RIC8B: variants seen among roughly 807,000 people sequenced by gnomAD.
RIC8B encodes RIC8 guanine nucleotide exchange factor B, also known as chaperone Ric-8B.
Under a neutral mutation model 57.5 loss-of-function variants are expected in RIC8B, and 16 were observed. That is an observed-to-expected ratio of 0.28 (90% confidence interval 0.19 to 0.42). RIC8B has a LOEUF of 0.42. Ranked by LOEUF, RIC8B falls within the 10% of genes least tolerant of loss-of-function variation. RIC8B has a pLI of 1.00. For synonymous variants in RIC8B, 216 were observed against 250.8 expected (o/e 0.86, Z 1.31); for missense variants, 481 against 677.0 (o/e 0.71, Z 3.21).
chr12:106,810,755 A>G (rs2045300036), intron 2 of RIC8B, among the ~76,000 whole-genome samples: 1 of 152,252 alleles, frequency 6.6e-6, no homozygotes, highest in South Asian at 2.1e-4. Context: ...GCAGGTTAGC[A>G]GATCTTAAGT....
chr12:106,775,037 CCTCTG>C, intron 1 of RIC8B: 1 of 562,838 alleles, frequency 1.8e-6, no homozygotes, highest in Non-Finnish European at 3.2e-6. Flanking sequence ...AGCGCCCACT[CCTCTG>C]ATTCCTGGCC....
At position 106,814,744 on chromosome 12, in the gene RIC8B, A is replaced by G. The variant is rs775581831; in HGVS notation, c.181A>G (p.Thr61Ala). Reference protein sequence around the residue: ...FKVLIKDIPTTCQVSCLEVLR... With the variant: ...FKVLIKDIPTACQVSCLEVLR... ...AGTCCTTATAAAGGACATCCCAACA[A>G]CATGTCAAGTGTCCTGCCTGGAAGT... The change falls in exon 3 of 10, where the codon ACA becomes GCA. Residue 61 changes from threonine to alanine, a missense_variant. Physicochemically the swap from Thr to Ala is moderately conservative, Grantham distance 58. Transcript: ENST00000392837. 7.4e-6 allele frequency: 12 copies of G among 1,613,300 alleles called. No homozygotes were observed. Among genetic ancestry groups the G allele is most frequent in the Admixed American group, 1.7e-5 (1 of 59,890 alleles).
In RIC8B at chr12:106,801,892, C is replaced by T. The variant is rs553837863; in HGVS notation, c.133-12804C>T. 8.5e-5 allele frequency among the ~76,000 whole-genome samples: 13 copies of T among 152,358 alleles called. No homozygotes were observed. The East Asian group carries it at 2.1e-3, about 25-fold the overall frequency. ...AATTTAATACAACCCTCATCTTCTGCATGTACACATGTACCTCTTGTTCCC... is the reference window on the plus strand; with the variant it reads ...AATTTAATACAACCCTCATCTTCTGTATGTACACATGTACCTCTTGTTCCC... On this transcript the variant is annotated intron_variant, in intron 2 of 9. Transcript: ENST00000392837.
At position 106,851,315 on chromosome 12, in the gene RIC8B, CTTTTTTTTTT is replaced by C. The variant is rs34606963; in HGVS notation, c.1162-123_1162-114del. On this transcript the variant is annotated intron_variant, in intron 6 of 9. Coordinates refer to ENST00000392837, the MANE Select transcript of RIC8B (RefSeq NM_001330145.2). ...TGTTTAGTTTTACTTGGAAGCTAAC[CTTTTTTTTTT>C]TTTTTTTTTTTGCTCCTACAATACA... 3 of 211,502 alleles carry C rather than the reference CTTTTTTTTTT, an allele frequency of 1.4e-5. 1 individual carries two copies. The highest frequency in any genetic ancestry group is 6.8e-5 in the South Asian group (1 of 14,676). 13.1% of individuals were successfully genotyped at this position (211,502 alleles called of 1,614,324 possible).
chr12:106,786,605 A>G (rs985289002), intron 2 of RIC8B, among the ~76,000 whole-genome samples: 1 of 152,222 alleles, frequency 6.6e-6, no homozygotes, highest in African/African-American at 2.4e-5. Flanking sequence ...TCTTTTAGAA[A>G]TCTATTCTGC....
Position 106,879,590 on chromosome 12 carries a change from C to A in RIC8B, c.1572-6314C>A. 4 of 985,020 alleles carry A rather than the reference C, an allele frequency of 4.1e-6. No individual in the cohort carries two copies. The highest frequency in any genetic ancestry group is 4.8e-6 in the Non-Finnish European group (4 of 829,826). The allele number at this position is 985,020 out of a possible 1,614,324, so 61.0% of individuals were successfully genotyped here. A position where few individuals can be genotyped will look rare whatever the true frequency, so the allele number is the denominator to read the frequency against. On this transcript the variant is annotated intron_variant, in intron 9 of 9. Transcript: ENST00000392837. The surrounding 1 kb of genome is among the most constrained non-coding windows in gnomAD (Gnocchi z 4.9). The stretch of plus-strand genomic sequence containing the variant: ...ATGGTGTAAATTCCGTATCTCCCAT[C>A]CCTAGCTCTTTAAGAAATTATTTTT...
intron 7 of RIC8B, among the ~76,000 whole-genome samples, chr12:106,852,962 G>A (rs1327241817): frequency 2.0e-5 from 3 of 152,128 alleles, no homozygotes; most frequent in Admixed American, 6.5e-5. Flanking sequence ...ACATGCTTAT[G>A]CATAAATCCA....
At chr12:106,855,821 C>A (rs1290619212) in intron 7 of RIC8B, among the ~76,000 whole-genome samples, 1 of 152,112 alleles carries the variant, frequency 6.6e-6, no homozygotes, top group East Asian at 1.9e-4. Context: ...ATCTATGTAT[C>A]TTTAGCCCCA....
At position 106,888,671 on chromosome 12, in the gene RIC8B, T is replaced by C. The variant is rs1951282500; in HGVS notation, c.*2656T>C. Reference sequence around the variant, plus strand: ...GAGGTTTTTAAGCAGGGAAGTGACCTGAAGTGGAAGTATGAGTGGGAAACT... The same window carrying C: ...GAGGTTTTTAAGCAGGGAAGTGACCCGAAGTGGAAGTATGAGTGGGAAACT... On this transcript the variant is annotated 3_prime_UTR_variant, in exon 10 of 10. Transcript: ENST00000392837. The C allele has an allele frequency of 1.3e-5, 2 of 152,630 alleles. No homozygotes were observed. The highest frequency in any genetic ancestry group is 4.8e-5 in the African/African-American group (2 of 41,440). The allele number at this position is 152,630 out of a possible 1,614,324, so 9.5% of individuals were successfully genotyped here.
intron 3 of RIC8B, among the ~76,000 whole-genome samples, chr12:106,821,272 G>A (rs907899554): frequency 6.6e-6 from 1 of 152,170 alleles, no homozygotes; most frequent in African/African-American, 2.4e-5. Context: ...CTTCTTAAAT[G>A]ATAGCACTCA....
intron 8 of RIC8B, among the ~76,000 whole-genome samples, chr12:106,866,813 A>G (rs1270254588): frequency 6.6e-6 from 1 of 152,198 alleles, no homozygotes; most frequent in African/African-American, 2.4e-5. Context: ...TATTTAGATG[A>G]AAATCTTGAT....
At chr12:106,827,853 A>G (rs2136340654) in intron 4 of RIC8B, among the ~76,000 whole-genome samples, 1 of 152,276 alleles carries the variant, frequency 6.6e-6, no homozygotes, top group East Asian at 1.9e-4. Flanking sequence ...ATTTTTTTTA[A>G]GAAGTCAGAT....
rs1447451418 is a variant in RIC8B, at chr12:106,886,288, T to C, written c.*273T>C. On this transcript the variant is annotated 3_prime_UTR_variant, in exon 10 of 10. Transcript: ENST00000392837. ...GGGATGGAACTGAAGGATTTTATTC[T>C]ATAAAGCGGCCCTGGTTGAATCTGG... is the stretch of plus-strand genomic sequence containing the variant. 2 of 327,798 alleles carry C rather than the reference T, an allele frequency of 6.1e-6. No homozygotes were observed. Among genetic ancestry groups the C allele is most frequent in the Non-Finnish European group, 5.6e-6 (1 of 179,808 alleles). 20.3% of individuals were successfully genotyped at this position (327,798 alleles called of 1,614,324 possible).
chr12:106,806,018 C>T (rs1320752915), intron 2 of RIC8B, among the ~76,000 whole-genome samples: 5 of 152,220 alleles, frequency 3.3e-5, no homozygotes, highest in East Asian at 3.9e-4. Flanking sequence ...GGTGCGATCT[C>T]GGCTCACAGC....
At chr12:106,875,909 G>C (rs2136635132) in intron 9 of RIC8B, among the ~76,000 whole-genome samples, 1 of 151,574 alleles carries the variant, frequency 6.6e-6, no homozygotes, top group South Asian at 2.1e-4. Context: ...CTAAGGCTGA[G>C]ATAGGTAGTT....
At chr12:106,808,612 T>C (rs976713013) in intron 2 of RIC8B, among the ~76,000 whole-genome samples, 1 of 152,212 alleles carries the variant, frequency 6.6e-6, no homozygotes, top group African/African-American at 2.4e-5. Context: ...AGTTTCTAAA[T>C]GCATACTCTT....
At chr12:106,808,464 A>G (rs769738845) in intron 2 of RIC8B, among the ~76,000 whole-genome samples, 8 of 152,346 alleles carry the variant, frequency 5.3e-5, no homozygotes, top group Non-Finnish European at 8.8e-5. Flanking sequence ...GGTCTAGAAC[A>G]GTGCTTCTCA....
intron 8 of RIC8B, among the ~76,000 whole-genome samples, chr12:106,861,968 G>T (rs1949959515): frequency 6.6e-6 from 1 of 152,018 alleles, no homozygotes; most frequent in Non-Finnish European, 1.5e-5. Context: ...AATGGTAATG[G>T]TCATATATGT....
intron 4 of RIC8B, among the ~76,000 whole-genome samples, chr12:106,838,856 A>G (rs1183771991): frequency 6.6e-6 from 1 of 152,092 alleles, no homozygotes; most frequent in Non-Finnish European, 1.5e-5. Flanking sequence ...TAAAATGGGC[A>G]AAGAACCTGA....
Sources: gnomAD v4.1 joint callset for allele counts (sites outside exome capture counted in the v4.1 genomes callset) on GRCh38, gnomAD v4.1.1 for gene constraint, Gnocchi (gnomAD v3.1) non-coding constraint, MANE v1.5 for transcripts, NCBI Gene and HGNC (gene_info 2026-07-23, HGNC 2026-07-21) for gene names.